PGGT1B: variants seen among roughly 807,000 people sequenced by gnomAD.
The protein encoded by PGGT1B is protein geranylgeranyltransferase type I subunit beta, also known as geranylgeranyl transferase type-1 subunit beta.
PGGT1B carries 30 observed loss-of-function variants against 46.1 expected under a neutral mutation model. The observed-to-expected ratio is 0.65, with a 90% CI of 0.49 to 0.88. PGGT1B has a LOEUF of 0.88. Among genes scored for constraint, PGGT1B ranks in the 40% least tolerant of loss-of-function variants. The pLI is 0.00. For synonymous variants in PGGT1B, 170 were observed against 160.0 expected (o/e 1.06, Z -0.47); for missense variants, 376 against 455.9 (o/e 0.82, Z 1.60).
chr5:115,243,571 T>C (rs1757416097), intron 2 of PGGT1B, among the ~76,000 whole-genome samples: 2 of 152,238 alleles, frequency 1.3e-5, no homozygotes, highest in African/African-American at 4.8e-5. Context: ...ATTTGTTCTC[T>C]GTATTAGTCA....
rs1233984728 is a variant in PGGT1B, at chr5:115,204,658, CT to C, written c.*7743del. 6.6e-6 allele frequency: 1 copy of C among 152,094 alleles called. No homozygotes were observed. Among genetic ancestry groups the C allele is most frequent in the African/African-American group, 2.4e-5 (1 of 41,422 alleles). 9.4% of individuals were successfully genotyped at this position (152,094 alleles called of 1,614,324 possible). ...ACCTTGTTGTTGAGTTTATGAATGG[CT>C]ACACTGTTTCTGGATGGCAATTCTT... On this transcript the variant is annotated 3_prime_UTR_variant, in exon 9 of 9. Transcript: ENST00000419445.
rs528620043 is a variant in PGGT1B, at chr5:115,246,292, G to A, written c.260-4686C>T. On this transcript the variant is annotated intron_variant, in intron 2 of 8. Transcript: ENST00000419445. The stretch of plus-strand genomic sequence containing the variant: ...AATTGCTTGAACCCGGGAGGTGGAG[G>A]TTGCAGTGAGCCAAGATTGCGCCAC... 5.3e-5 allele frequency among the ~76,000 whole-genome samples: 8 copies of A among 151,172 alleles called. No individual in the cohort carries two copies. In the South Asian group the frequency reaches 1.7e-3, roughly 32 times the overall value.
chr5:115,229,577 C>T (rs112765658), intron 6 of PGGT1B, among the ~76,000 whole-genome samples: 2 of 152,088 alleles, frequency 1.3e-5, no homozygotes, highest in African/African-American at 4.8e-5. Flanking sequence ...TGGGCAGCCC[C>T]TCTGTTTCAT....
At chr5:115,227,159 C>A (rs1272292172) in intron 6 of PGGT1B, among the ~76,000 whole-genome samples, 1 of 152,150 alleles carries the variant, frequency 6.6e-6, no homozygotes, top group Non-Finnish European at 1.5e-5. Flanking sequence ...GATGAGATTA[C>A]TGAGCAAGCA....
At chr5:115,258,314 C>G (rs1748409952) in intron 1 of PGGT1B, among the ~76,000 whole-genome samples, 1 of 152,214 alleles carries the variant, frequency 6.6e-6, no homozygotes, top group African/African-American at 2.4e-5. Flanking sequence ...TCTTCATCCC[C>G]TCTTTTCTAG....
rs575064567 is a variant in PGGT1B, at chr5:115,218,583, A to G, written c.844-1610T>C. On this transcript the variant is annotated intron_variant, in intron 7 of 8. Coordinates refer to ENST00000419445, the MANE Select transcript of PGGT1B (RefSeq NM_005023.4). ...AGGGAACCAACTCATTTTGTTGAAC[A>G]CTATTAAGGGAAAGAATTCAGTATT... is the stretch of plus-strand genomic sequence containing the variant. Among the ~76,000 whole-genome samples, 17 of 150,556 alleles carry G rather than the reference A, an allele frequency of 1.1e-4. No individual in the cohort carries two copies. In the South Asian group the frequency reaches 3.3e-3, roughly 30 times the overall value.
intron 2 of PGGT1B, among the ~76,000 whole-genome samples, chr5:115,242,937 A>T (rs559906596): frequency 6.6e-6 from 1 of 151,704 alleles, no homozygotes; most frequent in African/African-American, 2.4e-5. Flanking sequence ...ACTGCACTCC[A>T]GCCTGGGCGA....
At chr5:115,240,172 G>T (rs1181594215) in intron 3 of PGGT1B, among the ~76,000 whole-genome samples, 1 of 152,078 alleles carries the variant, frequency 6.6e-6, no homozygotes, top group African/African-American at 2.4e-5. Flanking sequence ...TTGCCCAGAA[G>T]ATATCAGGGT....
intron 8 of PGGT1B, among the ~76,000 whole-genome samples, chr5:115,213,640 G>A (rs777842258): frequency 2.3e-4 from 35 of 152,166 alleles, no homozygotes; most frequent in South Asian, 4.2e-4. Context: ...GTATGGTGGC[G>A]TGCGCCTGTA....
intron 6 of PGGT1B, among the ~76,000 whole-genome samples, chr5:115,225,169 T>A (rs1213746520): frequency 6.6e-6 from 1 of 152,212 alleles, no homozygotes; most frequent in African/African-American, 2.4e-5. Flanking sequence ...AGTTTAAGGA[T>A]AATAGTAAGA....
At chr5:115,220,926 T>C (rs1269266791) in intron 7 of PGGT1B, among the ~76,000 whole-genome samples, 1 of 151,944 alleles carries the variant, frequency 6.6e-6, no homozygotes, top group Non-Finnish European at 1.5e-5. Flanking sequence ...TAGCTTTCGG[T>C]TGATAATTGT....
chr5:115,239,464 A>G (rs1175284404), intron 3 of PGGT1B, among the ~76,000 whole-genome samples: 1 of 152,156 alleles, frequency 6.6e-6, no homozygotes, highest in African/African-American at 2.4e-5. Flanking sequence ...CCTATTCCAC[A>G]TTTACAACTG....
chr5:115,217,058 T>C lies in PGGT1B; in HGVS notation c.844-85A>G, dbSNP rs906683016. The C allele has an allele frequency of 2.6e-5, 18 of 687,446 alleles. No homozygotes were observed. In the African/African-American group the frequency reaches 3.1e-4, roughly 12 times the overall value. The allele number at this position is 687,446 out of a possible 1,614,324, so 42.6% of individuals were successfully genotyped here. A position where few individuals can be genotyped will look rare whatever the true frequency, so the allele number is the denominator to read the frequency against. ...AAATTTCAGATACGTGTCATTTAGATATGCTTTTCTTTAGCTAAGGTGCTC... is the reference window on the plus strand; with the variant it reads ...AAATTTCAGATACGTGTCATTTAGACATGCTTTTCTTTAGCTAAGGTGCTC... On this transcript the variant is annotated intron_variant, in intron 7 of 8. Transcript: ENST00000419445.
At chr5:115,214,711 G>C (rs1229644099) in intron 8 of PGGT1B, among the ~76,000 whole-genome samples, 3 of 152,064 alleles carry the variant, frequency 2.0e-5, no homozygotes, top group Non-Finnish European at 4.4e-5. Context: ...AAAGCCTCAA[G>C]AACTTTCTTT....
At chr5:115,250,211 T>C (rs1436964185) in intron 2 of PGGT1B, among the ~76,000 whole-genome samples, 2 of 152,194 alleles carry the variant, frequency 1.3e-5, no homozygotes, top group African/African-American at 2.4e-5. Flanking sequence ...CTAGATTTTA[T>C]GTGGTATCTC....
At chr5:115,248,013 C>T (rs759276779) in intron 2 of PGGT1B, among the ~76,000 whole-genome samples, 19 of 152,300 alleles carry the variant, frequency 1.2e-4, no homozygotes, top group South Asian at 8.3e-4. Context: ...GACTTAGCCA[C>T]ATGAAACCAT....
chr5:115,215,400 G>T (rs1165902367), intron 8 of PGGT1B, among the ~76,000 whole-genome samples: 1 of 152,142 alleles, frequency 6.6e-6, no homozygotes, highest in Admixed American at 6.5e-5. Context: ...CCAGGTTCAG[G>T]CAATTCTTCT....
At chr5:115,253,474 T>A (rs905996603) in intron 1 of PGGT1B, among the ~76,000 whole-genome samples, 3 of 151,876 alleles carry the variant, frequency 2.0e-5, no homozygotes, top group Non-Finnish European at 2.9e-5. Context: ...CATTTGGGGG[T>A]TAAGAAACCA....
chr5:115,253,130 C>T lies in PGGT1B; in HGVS notation c.259+7G>A. ...CACTAAAAATAAAATGCTAAAAACT[C>T]ACTCACTGTCTTCTGTGGGAAGGAC... On this transcript the variant is annotated splice_region_variant and intron_variant, in intron 2 of 8. Coordinates refer to ENST00000419445, the MANE Select transcript of PGGT1B (RefSeq NM_005023.4). 1.3e-6 allele frequency: 2 copies of T among 1,597,630 alleles called. No individual in the cohort carries two copies. Among genetic ancestry groups the T allele is most frequent in the South Asian group, 2.3e-5 (2 of 87,718 alleles).
Sources: allele counts gnomAD v4.1 joint callset (sites outside exome capture counted in the v4.1 genomes callset), GRCh38; gene constraint gnomAD v4.1.1; transcripts MANE v1.5; gene names NCBI Gene and HGNC (gene_info 2026-07-23, HGNC 2026-07-21).